PSMD11: variants seen among roughly 807,000 people sequenced by gnomAD.
PSMD11 encodes the protein proteasome 26S subunit, non-ATPase 11.
Under a neutral mutation model 62.3 loss-of-function variants are expected in PSMD11, and 5 were observed. The observed-to-expected ratio is 0.08, with a 90% CI of 0.04 to 0.17. The LOEUF is 0.17. Among genes scored for constraint, PSMD11 ranks in the 10% least tolerant of loss-of-function variants. The probability of loss-of-function intolerance (pLI) is 1.00; values close to 1 mark genes in which losing one functional copy is unlikely to be tolerated. For missense variants in PSMD11, 310 were observed against 512.9 expected (o/e 0.60, Z 3.82); for synonymous variants, 191 against 191.8 (o/e 1.00, Z 0.03).
intron 12 of PSMD11, 104 bp from the exon 13 acceptor site, chr17:32,480,385 C>G: frequency 6.7e-7 from 1 of 1,498,136 alleles, no homozygotes; most frequent in Non-Finnish European, 9.2e-7. Context: ...TTCTATTTCC[C>G]TTCTTTTCTG....
At chr17:32,461,573 A>G (rs1217111972) in intron 3 of PSMD11, among the ~76,000 whole-genome samples, 3 of 93,918 alleles carry the variant, frequency 3.2e-5, no homozygotes, top group African/African-American at 5.0e-5. Flanking sequence ...CTCTGTCTCA[A>G]AAGAAAAGAA....
At position 32,481,088 on chromosome 17, in the gene PSMD11, G is replaced by T; in HGVS notation, c.*336G>T. On this transcript the variant is annotated 3_prime_UTR_variant, in exon 14 of 14. Coordinates refer to ENST00000261712, the MANE Select transcript of PSMD11 (RefSeq NM_002815.4). ...AAAGCCAGGCACCCCGCCAACCACT[G>T]GGGGTCCTAATCCACCTGCTGGGCA... is the stretch of plus-strand genomic sequence containing the variant. 1 of 156,100 alleles carries T rather than the reference G, an allele frequency of 6.4e-6. No homozygotes were observed. The highest frequency in any genetic ancestry group is 1.4e-5 in the Non-Finnish European group (1 of 70,658). The allele number at this position is 156,100 out of a possible 1,614,324, so 9.7% of individuals were successfully genotyped here.
chr17:32,456,591 A>G (rs990291678), intron 3 of PSMD11, among the ~76,000 whole-genome samples: 2 of 151,948 alleles, frequency 1.3e-5, no homozygotes, highest in East Asian at 1.9e-4. Context: ...GTGCAGTGGC[A>G]CGATCTCGGC....
chr17:32,459,817 G>T (rs924955384), intron 3 of PSMD11, among the ~76,000 whole-genome samples: 129 of 152,086 alleles, frequency 8.5e-4, no homozygotes, highest in African/African-American at 3.0e-3. Flanking sequence ...AGTAGAGATG[G>T]GCTTTTGCCA....
intron 2 of PSMD11, among the ~76,000 whole-genome samples, chr17:32,452,480 C>T (rs930017396): frequency 5.3e-5 from 8 of 152,088 alleles, no homozygotes; most frequent in Non-Finnish European, 1.2e-4. Flanking sequence ...ATGGTTAAAG[C>T]CATTTCAGAA....
chr17:32,477,265 T>G, intron 8 of PSMD11: 1 of 384,252 alleles, frequency 2.6e-6, no homozygotes. Flanking sequence ...GAATGCTATA[T>G]TAGGGTCGGT....
At chr17:32,444,648 C>T (rs1289244332) in intron 1 of PSMD11, 34 bp downstream of exon 1, 3 of 1,608,808 alleles carry the variant, frequency 1.9e-6, no homozygotes, top group Non-Finnish European at 2.5e-6. Flanking sequence ...CCGGCCCCGC[C>T]GGCCCAGCTC....
intron 1 of PSMD11, chr17:32,444,920 C>G (rs1369150164): frequency 2.2e-6 from 1 of 462,830 alleles, no homozygotes; most frequent in Non-Finnish European, 3.8e-6. Flanking sequence ...GTCCCCGGCT[C>G]TGGCCCGCAC....
chr17:32,455,526 A>G (rs760091978), intron 3 of PSMD11, among the ~76,000 whole-genome samples: 1 of 152,238 alleles, frequency 6.6e-6, no homozygotes, highest in Non-Finnish European at 1.5e-5. Context: ...CGTGAAAGGT[A>G]TGAAAGGCCA....
In PSMD11 at chr17:32,479,390, G is replaced by A. The variant is rs1411569898; in HGVS notation, c.1038+14G>A. On this transcript the variant is annotated intron_variant, in intron 10 of 13. Coordinates refer to ENST00000261712, the MANE Select transcript of PSMD11 (RefSeq NM_002815.4). Reference sequence around the variant, plus strand: ...TCCAGAGTACAGGTGAGAACCCTCTGGGGACTCCATTTCTGGCCAGGCATT... The same window carrying A: ...TCCAGAGTACAGGTGAGAACCCTCTAGGGACTCCATTTCTGGCCAGGCATT... 1 of 1,613,094 alleles carries A rather than the reference G, an allele frequency of 6.2e-7. No homozygotes were observed. Among genetic ancestry groups the A allele is most frequent in the African/African-American group, 1.3e-5 (1 of 74,894 alleles).
chr17:32,466,541 A>G (rs549173307), intron 5 of PSMD11, among the ~76,000 whole-genome samples: 1 of 152,240 alleles, frequency 6.6e-6, no homozygotes, highest in Non-Finnish European at 1.5e-5. Flanking sequence ...TTGTAAGGAT[A>G]TATCACATGT....
chr17:32,449,717 A>G (rs1342603304), intron 2 of PSMD11, among the ~76,000 whole-genome samples: 3 of 152,218 alleles, frequency 2.0e-5, no homozygotes, highest in Non-Finnish European at 2.9e-5. Flanking sequence ...GGTATACACA[A>G]TGGGAACTCT....
intron 4 of PSMD11, 30 bp from the exon 5 acceptor site, chr17:32,464,491 C>G (rs2302277): frequency 0.42 from 652,564 of 1,541,420 alleles, 148,935 homozygotes; most frequent in Non-Finnish European, 0.47. Flanking sequence ...TTTTCCCCCC[C>G]CTTCAATCAA....
intron 2 of PSMD11, among the ~76,000 whole-genome samples, chr17:32,448,112 C>G (rs1008260556): frequency 6.6e-6 from 1 of 151,926 alleles, no homozygotes; most frequent in African/African-American, 2.4e-5. Flanking sequence ...AACTCCTGAC[C>G]TCATGGTCCA....
intron 3 of PSMD11, among the ~76,000 whole-genome samples, chr17:32,460,190 C>T (rs1052599310): frequency 6.6e-6 from 1 of 152,026 alleles, no homozygotes; most frequent in African/African-American, 2.4e-5. Flanking sequence ...TCCCAAGTTG[C>T]TGGGACTGCA....
intron 12 of PSMD11, 71 bp downstream of exon 12, chr17:32,480,268 G>T: frequency 6.4e-7 from 1 of 1,562,594 alleles, no homozygotes; most frequent in South Asian, 1.1e-5. Context: ...TATTTTCAAA[G>T]AAGATGTTCT....
At chr17:32,472,728 G>A (rs1363962127) in intron 6 of PSMD11, among the ~76,000 whole-genome samples, 1 of 151,588 alleles carries the variant, frequency 6.6e-6, no homozygotes, top group Non-Finnish European at 1.5e-5. Flanking sequence ...GTAGAGACAG[G>A]TTTTTACCAT....
At position 32,480,732 on chromosome 17, in the gene PSMD11, C is replaced by T. The variant is rs1000862540; in HGVS notation, c.*1-21C>T. 1.8e-5 allele frequency: 24 copies of T among 1,350,484 alleles called. No individual in the cohort carries two copies. The African/African-American group carries it at 3.2e-4, about 18-fold the overall frequency. 83.7% of individuals were successfully genotyped at this position (1,350,484 alleles called of 1,614,324 possible). On this transcript the variant is annotated intron_variant, in intron 13 of 13. Transcript: ENST00000261712. Reference sequence around the variant, plus strand: ...TGTCCTCATGGCTTCCTGATTGACACTGCTCTGTCTTCTCTTGCAGAGTTG... The same window carrying T: ...TGTCCTCATGGCTTCCTGATTGACATTGCTCTGTCTTCTCTTGCAGAGTTG...
At chr17:32,475,883 GCATC>G (rs1479366756) in intron 8 of PSMD11, among the ~76,000 whole-genome samples, 13 of 151,970 alleles carry the variant, frequency 8.6e-5, no homozygotes, top group African/African-American at 3.1e-4. Context: ...GTGAGCCACT[GCATC>G]CAGCCACGCA....
Sources: allele counts gnomAD v4.1 joint callset (sites outside exome capture counted in the v4.1 genomes callset), GRCh38; gene constraint gnomAD v4.1.1; transcripts MANE v1.5; gene names NCBI Gene and HGNC (gene_info 2026-07-23, HGNC 2026-07-21).